The following HS3ST1 variants were observed in gnomAD, a reference collection of about 807,000 sequenced individuals.
HS3ST1 encodes the protein heparan sulfate glucosamine 3-O-sulfotransferase 1.
HS3ST1 carries 8 observed loss-of-function variants against 20.7 expected under a neutral mutation model. The observed-to-expected ratio is 0.39, with a 90% CI of 0.23 to 0.70. The LOEUF (loss-of-function observed/expected upper bound fraction) is 0.70. HS3ST1 is among the 30% of genes least tolerant of loss of function. The pLI, the probability that HS3ST1 is intolerant of heterozygous loss-of-function variation, is 0.46. For synonymous variants in HS3ST1, 205 were observed against 190.4 expected, an observed-to-expected ratio of 1.08 and a Z score of -0.63; for missense variants, 436 against 423.4, an observed-to-expected ratio of 1.03 and a Z score of -0.26.
chr4:11,404,747 A>G (rs1188533483), intron 1 of HS3ST1, among the ~76,000 whole-genome samples: 1 of 152,226 alleles, frequency 6.6e-6, no homozygotes, highest in African/African-American at 2.4e-5. Flanking sequence ...GCATGGATAC[A>G]GAATTCTCTA....
In HS3ST1 at chr4:11,395,831, C is replaced by G. The variant is rs1446458352; in HGVS notation, c.*3251G>C. 2.0e-5 allele frequency: 3 copies of G among 152,180 alleles called. No homozygotes were observed. The highest frequency in any genetic ancestry group is 4.4e-5 in the Non-Finnish European group (3 of 68,078). 9.4% of individuals were successfully genotyped at this position (152,180 alleles called of 1,614,324 possible). ...TCTCTATAAGGGGGCTAGTTGATTT[C>G]TCTCAGGAATGTTGCTGAACTGAAT... On this transcript the variant is annotated 3_prime_UTR_variant, in exon 2 of 2. Transcript: ENST00000002596.
chr4:11,415,827 C>T (rs2108887241), intron 1 of HS3ST1, among the ~76,000 whole-genome samples: 1 of 152,304 alleles, frequency 6.6e-6, no homozygotes, highest in Admixed American at 6.5e-5. Flanking sequence ...CAATCTTAAA[C>T]CAAACACATG....
rs1718148620 is a variant in HS3ST1 at position 11,396,448 on chromosome 4, G to A, written c.*2634C>T. Reference sequence around the variant, plus strand: ...CCGGGCCGGGGTGGTCTGGACAGGAGACCCACCCCTTCCACTGACACCTGT... The same window carrying A: ...CCGGGCCGGGGTGGTCTGGACAGGAAACCCACCCCTTCCACTGACACCTGT... On this transcript the variant is annotated 3_prime_UTR_variant, in exon 2 of 2. Coordinates refer to ENST00000002596, the MANE Select transcript of HS3ST1 (RefSeq NM_005114.4). The A allele has an allele frequency of 6.6e-6, 1 of 152,236 alleles. No individual in the cohort carries two copies. The highest frequency in any genetic ancestry group is 6.5e-5 in the Admixed American group (1 of 15,282). 9.4% of individuals were successfully genotyped at this position (152,236 alleles called of 1,614,324 possible).
chr4:11,430,541 G>T (rs224489), upstream of HS3ST1, among the ~76,000 whole-genome samples: 20,598 of 152,110 alleles, frequency 0.14, 1,939 homozygotes, highest in East Asian at 0.43. Flanking sequence ...CAAAATACGG[G>T]GTGGTTTTAA....
intron 1 of HS3ST1, among the ~76,000 whole-genome samples, chr4:11,421,199 C>G (rs537852967): frequency 6.6e-6 from 1 of 152,214 alleles, no homozygotes; most frequent in East Asian, 1.9e-4. Context: ...GGAAAAAAAC[C>G]GAGGCCCAGA....
chr4:11,430,895 T>A (rs1271891350), upstream of HS3ST1, among the ~76,000 whole-genome samples: 1 of 152,250 alleles, frequency 6.6e-6, no homozygotes, highest in African/African-American at 2.4e-5. Flanking sequence ...ATAATCTATG[T>A]TCTTACATTC....
chr4:11,418,955 G>A (rs1471418801), intron 1 of HS3ST1, among the ~76,000 whole-genome samples: 1 of 151,946 alleles, frequency 6.6e-6, no homozygotes, highest in African/African-American at 2.4e-5. Context: ...GTTGTGTTGG[G>A]GTCCTCAGAA....
chr4:11,394,767 G>A lies in HS3ST1; in HGVS notation c.*4315C>T, dbSNP rs150301332. 162 of 152,304 alleles carry A rather than the reference G, an allele frequency of 1.1e-3. No individual in the cohort carries two copies. The highest frequency in any genetic ancestry group is 3.8e-3 in the African/African-American group (158 of 41,570). 9.4% of individuals were successfully genotyped at this position (152,304 alleles called of 1,614,324 possible). On this transcript the variant is annotated 3_prime_UTR_variant, in exon 2 of 2. Coordinates refer to ENST00000002596, the MANE Select transcript of HS3ST1 (RefSeq NM_005114.4). ...CAAAATTTCATTTGTAAGAAGTAAT[G>A]GCTCTATCAACATGGGCAAGCCCTT...
intron 1 of HS3ST1, among the ~76,000 whole-genome samples, chr4:11,421,771 C>T (rs1024902695): frequency 2.6e-5 from 4 of 152,206 alleles, no homozygotes; most frequent in African/African-American, 7.2e-5. Flanking sequence ...GTGGACTACT[C>T]AGTTCTCCAG....
intron 1 of HS3ST1, among the ~76,000 whole-genome samples, chr4:11,418,156 C>T (rs1049088789): frequency 1.3e-5 from 2 of 152,318 alleles, no homozygotes; most frequent in Non-Finnish European, 2.9e-5. Context: ...GTGATGACAT[C>T]GGCTGCTTTG....
intron 1 of HS3ST1, among the ~76,000 whole-genome samples, chr4:11,425,272 G>A (rs554300802): frequency 1.1e-4 from 17 of 152,274 alleles, no homozygotes; most frequent in African/African-American, 3.4e-4. Context: ...GCTGATGAAA[G>A]ATTCAGACAA....
intron 1 of HS3ST1, among the ~76,000 whole-genome samples, chr4:11,416,237 G>A (rs1055776192): frequency 2.0e-5 from 3 of 152,082 alleles, no homozygotes; most frequent in Admixed American, 6.5e-5. Flanking sequence ...TTATCATAGT[G>A]GTACTTTCAC....
chr4:11,430,113 A>G (rs1311641938), upstream of HS3ST1, among the ~76,000 whole-genome samples: 3 of 152,314 alleles, frequency 2.0e-5, no homozygotes, highest in African/African-American at 7.2e-5. Context: ...TTTAACTCAT[A>G]CACAGATTAC....
chr4:11,400,234 T>C (rs1718286879), intron 1 of HS3ST1, 121 bp from the exon 2 acceptor site: 2 of 821,078 alleles, frequency 2.4e-6, no homozygotes, highest in Non-Finnish European at 3.4e-6. Context: ...CAGTTTCTTA[T>C]CCTATACAGG....
chr4:11,409,504 C>T (rs576359227), intron 1 of HS3ST1, among the ~76,000 whole-genome samples: 8 of 151,192 alleles, frequency 5.3e-5, no homozygotes, highest in Non-Finnish European at 8.9e-5. Context: ...CTCACTCTGT[C>T]TCTCTCTCTC....
chr4:11,418,033 G>T (rs1413092055), intron 1 of HS3ST1, among the ~76,000 whole-genome samples: 1 of 152,176 alleles, frequency 6.6e-6, no homozygotes, highest in Non-Finnish European at 1.5e-5. Context: ...TGGCCAAGAG[G>T]ACACAAGGGG....
At chr4:11,418,457 C>T (rs193284416) in intron 1 of HS3ST1, among the ~76,000 whole-genome samples, 76 of 152,284 alleles carry the variant, frequency 5.0e-4, no homozygotes, top group South Asian at 8.3e-4. Context: ...GACAAAGGTT[C>T]GATGAGGCAA....
rs74380484 is a variant in HS3ST1, at chr4:11,413,857, C to T, written c.-108-13744G>A. On this transcript the variant is annotated intron_variant, in intron 1 of 1. Coordinates refer to ENST00000002596, the MANE Select transcript of HS3ST1 (RefSeq NM_005114.4). ...GATAAGAAGAAGGATAGCAGAGCTACAATTAGAAATAGATTGCTTTGTGTT... is the reference window on the plus strand; with the variant it reads ...GATAAGAAGAAGGATAGCAGAGCTATAATTAGAAATAGATTGCTTTGTGTT... 1.1e-3 allele frequency among the ~76,000 whole-genome samples: 167 copies of T among 151,636 alleles called. 2 individuals carry two copies. The highest frequency in any genetic ancestry group is 3.9e-3 in the African/African-American group (160 of 41,316).
At chr4:11,401,905 C>G (rs1718336994) in intron 1 of HS3ST1, among the ~76,000 whole-genome samples, 1 of 152,168 alleles carries the variant, frequency 6.6e-6, no homozygotes, top group Non-Finnish European at 1.5e-5. Context: ...GGAGCTGATA[C>G]TCATCAGTCT....
Sources: gnomAD v4.1 joint callset for allele counts (sites outside exome capture counted in the v4.1 genomes callset) on GRCh38, gnomAD v4.1.1 for gene constraint, MANE v1.5 for transcripts, NCBI Gene and HGNC (gene_info 2026-07-23, HGNC 2026-07-21) for gene names.